Variants in AK7 observed in about 807,000 individuals in gnomAD.
AK7 encodes the protein adenylate kinase 7, also known as ATP-AMP transphosphorylase 7.
In AK7, 78 loss-of-function variants were observed where a neutral mutation model predicts 96.6. The observed-to-expected ratio is 0.81, with a 90% CI of 0.67 to 0.97. The LOEUF is 0.97. Among genes scored for constraint, AK7 ranks in the 50% least tolerant of loss-of-function variants. The probability of loss-of-function intolerance (pLI) is 0.00; values close to 1 mark genes in which losing one functional copy is unlikely to be tolerated. For synonymous variants in AK7, 302 were observed against 317.2 expected (o/e 0.95, Z 0.51); for missense variants, 855 against 887.9 (o/e 0.96, Z 0.47).
chr14:96,413,744 T>A (rs1339719586), intron 4 of AK7, among the ~76,000 whole-genome samples: 1 of 152,250 alleles, frequency 6.6e-6, no homozygotes, highest in Non-Finnish European at 1.5e-5. Flanking sequence ...TTGAAATCAG[T>A]TGAGTATGTG....
intron 5 of AK7, among the ~76,000 whole-genome samples, chr14:96,422,643 AG>A: frequency 6.6e-6 from 1 of 152,302 alleles, no homozygotes; most frequent in East Asian, 1.9e-4. Flanking sequence ...GGCTCTCTGC[AG>A]GGGGAAGCAC....
At chr14:96,458,273 C>A in intron 12 of AK7, 61 bp downstream of exon 12, 1 of 1,573,686 alleles carries the variant, frequency 6.4e-7, no homozygotes, top group Non-Finnish European at 8.6e-7. Context: ...TTTTAAAAAT[C>A]TGGTTATAAA....
At chr14:96,420,698 T>TA (rs1891629783) in intron 4 of AK7, 124 bp from the exon 5 acceptor site, 1 of 694,138 alleles carries the variant, frequency 1.4e-6, no homozygotes, top group Non-Finnish European at 2.3e-6. Flanking sequence ...GTCTCAAAAA[T>TA]AAAAAAATAA....
intron 12 of AK7, among the ~76,000 whole-genome samples, chr14:96,465,236 C>A (rs371729173): frequency 1.3e-5 from 2 of 152,014 alleles, no homozygotes; most frequent in Admixed American, 6.6e-5. Flanking sequence ...CCGAGGCGGG[C>A]GGATCACGAG....
In AK7 at chr14:96,458,301, A is replaced by G. The variant is rs377707720; in HGVS notation, c.1357+89A>G. 4.6e-5 allele frequency: 70 copies of G among 1,510,544 alleles called. No individual in the cohort carries two copies. In the East Asian group the frequency reaches 8.6e-4, roughly 18 times the overall value. The allele number at this position is 1,510,544 out of a possible 1,614,324, so 93.6% of individuals were successfully genotyped here. A position where few individuals can be genotyped will look rare whatever the true frequency, so the allele number is the denominator to read the frequency against. Reference sequence around the variant, plus strand: ...GTTATAAAAGACTGTTTAAAAAAAAAAGACTGAACTACAGGCGGGCGCCAT... The same window carrying G: ...GTTATAAAAGACTGTTTAAAAAAAAGAGACTGAACTACAGGCGGGCGCCAT... On this transcript the variant is annotated intron_variant, in intron 12 of 17. Transcript: ENST00000267584.
At chr14:96,423,654 C>A (rs1891842738) in intron 5 of AK7, 2 of 619,142 alleles carry the variant, frequency 3.2e-6, no homozygotes. Context: ...GAGAACACAG[C>A]TCGGGGCCTC....
chr14:96,414,133 A>C lies in AK7; in HGVS notation c.498+5192A>C, dbSNP rs577852579. On this transcript the variant is annotated intron_variant, in intron 4 of 17. Coordinates refer to ENST00000267584, the MANE Select transcript of AK7 (RefSeq NM_152327.5). ...GTAAAACAAGTGTTGCTGATGATCAAGTCAGTCTTCTCCCAACTCTGATTC... is the reference window on the plus strand; with the variant it reads ...GTAAAACAAGTGTTGCTGATGATCACGTCAGTCTTCTCCCAACTCTGATTC... 3.3e-5 allele frequency among the ~76,000 whole-genome samples: 5 copies of C among 152,362 alleles called. No homozygotes were observed. The South Asian group carries it at 1.0e-3, about 32-fold the overall frequency.
Position 96,458,228 on chromosome 14 carries a change from C to G in AK7, c.1357+16C>G. On this transcript the variant is annotated intron_variant, in intron 12 of 17. Transcript: ENST00000267584. ...CAGAATGCAGGTAACACACACCCAG[C>G]AGAGAGCCACGCTGCTCTTGTGAAC... The G allele has an allele frequency of 6.2e-7, 1 of 1,612,180 alleles. No homozygotes were observed. Among genetic ancestry groups the G allele is most frequent in the Non-Finnish European group, 8.5e-7 (1 of 1,178,972 alleles).
At chr14:96,444,827 C>T (rs368506271) in intron 7 of AK7, among the ~76,000 whole-genome samples, 1 of 152,072 alleles carries the variant, frequency 6.6e-6, no homozygotes, top group Non-Finnish European at 1.5e-5. Context: ...AAGCGATTCT[C>T]CTGCCTCAGC....
chr14:96,473,966 A>C (rs766466743), intron 14 of AK7, among the ~76,000 whole-genome samples: 1 of 152,250 alleles, frequency 6.6e-6, no homozygotes, highest in Non-Finnish European at 1.5e-5. Flanking sequence ...AAAGCAAAGC[A>C]TAAGCAATTT....
chr14:96,421,384 C>G (rs1430729315), intron 5 of AK7: 1 of 153,062 alleles, frequency 6.5e-6, no homozygotes, highest in Admixed American at 6.5e-5. Flanking sequence ...CTGAGCGCTT[C>G]TCAGCCTTGA....
rs776990831 is a variant in AK7 at position 96,398,137 on chromosome 14, A to G, written c.168A>G (p.Glu56=). ...AAATTACAGAGGAAGAGGAAGAGGA[A>G]GATGAAAATAAGTCAGCTATGCTGG... is the stretch of plus-strand genomic sequence containing the variant. ...LEEITEEEEE[E]DENKSAMLEA... Residue 56 remains glutamate, a synonymous_variant, in exon 2 of 18, where the codon GAA becomes GAG. Transcript: ENST00000267584. 1.2e-5 allele frequency: 20 copies of G among 1,614,020 alleles called. 1 individual carries two copies. The highest frequency in any genetic ancestry group is 3.3e-5 in the South Asian group (3 of 91,096).
intron 2 of AK7, 182 bp downstream of exon 2, chr14:96,398,445 CG>C (rs1890213610): frequency 7.7e-6 from 5 of 647,056 alleles, no homozygotes; most frequent in African/African-American, 7.3e-5. Flanking sequence ...TTTTAATTTT[CG>C]GCCAAAGCAA....
intron 4 of AK7, among the ~76,000 whole-genome samples, chr14:96,415,320 TGAAAA>T (rs1377800509): frequency 1.3e-5 from 2 of 151,908 alleles, no homozygotes; most frequent in Non-Finnish European, 2.9e-5. Context: ...ATAAATATTT[TGAAAA>T]GAAAAGAAAA....
chr14:96,410,413 A>G (rs574515747), intron 4 of AK7, among the ~76,000 whole-genome samples: 2 of 152,370 alleles, frequency 1.3e-5, no homozygotes, highest in East Asian at 1.9e-4. Context: ...AACAAGTTCA[A>G]CAACGGACTT....
chr14:96,460,392 G>T (rs1275534483), intron 12 of AK7, among the ~76,000 whole-genome samples: 2 of 152,086 alleles, frequency 1.3e-5, no homozygotes, highest in Non-Finnish European at 2.9e-5. Context: ...CCTTCTTGCT[G>T]GTGGCCATTT....
At chr14:96,459,883 A>G (rs886245625) in intron 12 of AK7, among the ~76,000 whole-genome samples, 2 of 152,200 alleles carry the variant, frequency 1.3e-5, no homozygotes, top group African/African-American at 4.8e-5. Context: ...TCTCAAAAAA[A>G]AAGAAAGAAA....
chr14:96,485,104 T>C (rs1895699910), intron 16 of AK7, among the ~76,000 whole-genome samples: 1 of 152,168 alleles, frequency 6.6e-6, no homozygotes, highest in Non-Finnish European at 1.5e-5. Context: ...TTATGTATCA[T>C]CTAACAGGTG....
At chr14:96,472,420 G>A (rs183738331) in intron 13 of AK7, among the ~76,000 whole-genome samples, 2 of 152,186 alleles carry the variant, frequency 1.3e-5, no homozygotes, top group Non-Finnish European at 2.9e-5. Flanking sequence ...CTCCCAAATT[G>A]TTGGGATTAC....
Sources: gnomAD v4.1 joint callset for allele counts (sites outside exome capture counted in the v4.1 genomes callset) on GRCh38, gnomAD v4.1.1 for gene constraint, MANE v1.5 for transcripts, NCBI Gene and HGNC (gene_info 2026-07-23, HGNC 2026-07-21) for gene names.